The following CCZ1 variants were observed in gnomAD, a reference collection of about 807,000 sequenced individuals.
CCZ1 encodes CCZ1 vacuolar protein trafficking and biogenesis associated.
In CCZ1, 19 loss-of-function variants were observed where a neutral mutation model predicts 57.8. The observed-to-expected ratio is 0.33, with a 90% CI of 0.23 to 0.48. CCZ1 has a LOEUF of 0.48. CCZ1 is among the 20% of genes least tolerant of loss of function. The probability of loss-of-function intolerance (pLI) is 0.99; values close to 1 mark genes in which losing one functional copy is unlikely to be tolerated. For synonymous variants in CCZ1, 81 were observed against 167.0 expected, an observed-to-expected ratio of 0.49 and a Z score of 3.97; for missense variants, 200 against 492.0, an observed-to-expected ratio of 0.41 and a Z score of 5.61.
chr7:5,900,430 C>G, intron 2 of CCZ1, 43 bp from the exon 3 acceptor site: 1 of 1,578,754 alleles, frequency 6.3e-7, no homozygotes, highest in Non-Finnish European at 8.6e-7. Context: ...CTTAAAACTG[C>G]TGCTGGAGAA....
intron 7 of CCZ1, among the ~76,000 whole-genome samples, chr7:5,909,702 AAAAAAAG>A (rs1781922283): frequency 6.9e-6 from 1 of 145,958 alleles, no homozygotes; most frequent in Non-Finnish European, 1.5e-5. Flanking sequence ...TGTCTCAAAA[AAAAAAAG>A]AAAAAAAAAT....
At chr7:5,899,968 C>T (rs1168472778) in intron 1 of CCZ1, among the ~76,000 whole-genome samples, 9 of 142,976 alleles carry the variant, frequency 6.3e-5, no homozygotes, top group African/African-American at 2.2e-4. Flanking sequence ...GACTTACTGA[C>T]TATCGAAATT....
At chr7:5,899,383 G>GT (rs1781631584) in intron 1 of CCZ1, among the ~76,000 whole-genome samples, 5 of 94,632 alleles carry the variant, frequency 5.3e-5, no homozygotes, top group African/African-American at 1.1e-4. Context: ...GTGTGTGTGT[G>GT]GTTTTTCTGA....
rs1421109278 is a variant in CCZ1, at chr7:5,908,221, TGGGGA to T, written c.699-1811_699-1807del. Among the ~76,000 whole-genome samples, 2 of 142,326 alleles carry T rather than the reference TGGGGA, an allele frequency of 1.4e-5. 1 individual carries two copies. The highest frequency in any genetic ancestry group is 5.3e-5 in the African/African-American group (2 of 37,490). 93.4% of individuals were successfully genotyped at this position (142,326 alleles called of 152,430 possible). A position where few individuals can be genotyped will look rare whatever the true frequency, so the allele number is the denominator to read the frequency against. On this transcript the variant is annotated intron_variant, in intron 7 of 14. Coordinates refer to ENST00000325974, the MANE Select transcript of CCZ1 (RefSeq NM_015622.6). ...TGCACATACCTATAGTCCCAGCTAC[TGGGGA>T]GGAGGAGGCAGAAGGATCGCTTGAG...
intron 7 of CCZ1, among the ~76,000 whole-genome samples, chr7:5,905,924 T>C (rs1347797509): frequency 7.5e-6 from 1 of 133,818 alleles, no homozygotes; most frequent in Admixed American, 7.9e-5. Flanking sequence ...TTTTCTTTCT[T>C]ATAGAGACGG....
chr7:5,910,121 G>C lies in CCZ1; in HGVS notation c.780+5G>C, dbSNP rs748720356. ...CCAAGGCACATCGAACCTGAGGTAT[G>C]ATGGGTACCATAGCTGCGCACAATT... On this transcript the variant is annotated splice_donor_5th_base_variant and intron_variant, in intron 8 of 14. Transcript: ENST00000325974. 6.3e-6 allele frequency: 10 copies of C among 1,585,698 alleles called. No individual in the cohort carries two copies. Among genetic ancestry groups the C allele is most frequent in the South Asian group, 4.5e-5 (4 of 89,522 alleles).
intron 8 of CCZ1, among the ~76,000 whole-genome samples, chr7:5,911,035 C>CA (rs1456847677): frequency 1.3e-5 from 2 of 148,702 alleles, no homozygotes; most frequent in Non-Finnish European, 3.0e-5. Flanking sequence ...TGCTCCTGGC[C>CA]AAAAAATTGG....
In CCZ1 at chr7:5,924,424, G is replaced by A. The variant is rs1203665140; in HGVS notation, c.1393+462G>A. Among the ~76,000 whole-genome samples the A allele has an allele frequency of 8.0e-5, 7 of 87,100 alleles. 1 individual carries two copies. Among genetic ancestry groups the A allele is most frequent in the Non-Finnish European group, 1.8e-4 (7 of 39,520 alleles). 57.1% of individuals were successfully genotyped at this position (87,100 alleles called of 152,430 possible). A position where few individuals can be genotyped will look rare whatever the true frequency, so the allele number is the denominator to read the frequency against. On this transcript the variant is annotated intron_variant, in intron 14 of 14. Transcript: ENST00000325974. Reference sequence around the variant, plus strand: ...CCAGCTAATTTCTTTTTTTTTTTTTGAAACAGAGTCTTGCTCTGTCGCACA... The same window carrying A: ...CCAGCTAATTTCTTTTTTTTTTTTTAAAACAGAGTCTTGCTCTGTCGCACA...
intron 8 of CCZ1, chr7:5,910,378 G>C: frequency 2.8e-6 from 1 of 360,608 alleles, no homozygotes; most frequent in Non-Finnish European, 4.8e-6. Context: ...TTGTTTGTTT[G>C]GTTTTTGAGA....
At position 5,910,696 on chromosome 7, in the gene CCZ1, A is replaced by G. The variant is rs1781950308; in HGVS notation, c.780+580A>G. Among the ~76,000 whole-genome samples the G allele has an allele frequency of 2.9e-4, 8 of 27,198 alleles. No individual in the cohort carries two copies. In the South Asian group the frequency reaches 0.017, roughly 59 times the overall value. The allele number at this position is 27,198 out of a possible 152,430, so 17.8% of individuals were successfully genotyped here. On this transcript the variant is annotated intron_variant, in intron 8 of 14. Transcript: ENST00000325974. ...TTGGATTTTACTTTACTTTTAATTT[A>G]TGTATTTTATTTTATTTATTTATTT...
At position 5,913,499 on chromosome 7, in the gene CCZ1, T is replaced by C. The variant is rs572906932; in HGVS notation, c.954+545T>C. On this transcript the variant is annotated intron_variant, in intron 10 of 14. Coordinates refer to ENST00000325974, the MANE Select transcript of CCZ1 (RefSeq NM_015622.6). The stretch of plus-strand genomic sequence containing the variant: ...GAGGCTGTGGAGAAGTTTTCATTTA[T>C]AAAGGCTCAGAAATGATGCCGTGGG... Among the ~76,000 whole-genome samples, 3 of 151,608 alleles carry C rather than the reference T, an allele frequency of 2.0e-5. No individual in the cohort carries two copies. The South Asian group carries it at 6.3e-4, about 32-fold the overall frequency.
intron 7 of CCZ1, 25 bp downstream of exon 7, chr7:5,905,294 T>G: frequency 7.6e-7 from 1 of 1,319,134 alleles, no homozygotes; most frequent in Non-Finnish European, 1.0e-6. Context: ...AGGCATGGTA[T>G]TAAAAGAAGA....
At position 5,913,591 on chromosome 7, in the gene CCZ1, C is replaced by CT. The variant is rs1414841534; in HGVS notation, c.954+639dup. Among the ~76,000 whole-genome samples, 6 of 143,756 alleles carry CT rather than the reference C, an allele frequency of 4.2e-5. No individual in the cohort carries two copies. In the Admixed American group the frequency reaches 4.3e-4, roughly 10 times the overall value. 94.3% of individuals were successfully genotyped at this position (143,756 alleles called of 152,430 possible). A position where few individuals can be genotyped will look rare whatever the true frequency, so the allele number is the denominator to read the frequency against. On this transcript the variant is annotated intron_variant, in intron 10 of 14. Coordinates refer to ENST00000325974, the MANE Select transcript of CCZ1 (RefSeq NM_015622.6). ...GTCCCTCTCTGGAAGGTAGACGGGA[C>CT]TTGTAAACCATGCCTGATAGAGGGC...
intron 12 of CCZ1, 36 bp downstream of exon 12, chr7:5,920,002 G>GT: frequency 6.4e-7 from 1 of 1,557,262 alleles, no homozygotes; most frequent in Admixed American, 1.7e-5. Flanking sequence ...TTCAGGCATT[G>GT]AACGGCTTTT....
At chr7:5,915,586 T>G (rs1779132608) in intron 10 of CCZ1, among the ~76,000 whole-genome samples, 1 of 151,428 alleles carries the variant, frequency 6.6e-6, no homozygotes, top group African/African-American at 2.4e-5. Context: ...CTCGTACACT[T>G]AAAATGTACA....
In CCZ1 at chr7:5,922,910, C is replaced by T. The variant is rs1317587232; in HGVS notation, c.1107-477C>T. Among the ~76,000 whole-genome samples, 8 of 150,624 alleles carry T rather than the reference C, an allele frequency of 5.3e-5. No homozygotes were observed. The South Asian group carries it at 8.3e-4, about 16-fold the overall frequency. Reference sequence around the variant, plus strand: ...CCAATAATAAGTATCTCAGATGTCACGGGCTGTATGTAGATACGTGTTAAA... The same window carrying T: ...CCAATAATAAGTATCTCAGATGTCATGGGCTGTATGTAGATACGTGTTAAA... On this transcript the variant is annotated intron_variant, in intron 12 of 14. Transcript: ENST00000325974.
intron 10 of CCZ1, among the ~76,000 whole-genome samples, chr7:5,916,753 C>G (rs898461018): frequency 1.2e-4 from 18 of 145,410 alleles, no homozygotes; most frequent in African/African-American, 4.9e-4. Context: ...GTCTCCAGCC[C>G]TCCAGAGGTG....
At chr7:5,922,874 C>A (rs1376160398) in intron 12 of CCZ1, among the ~76,000 whole-genome samples, 1 of 149,986 alleles carries the variant, frequency 6.7e-6, no homozygotes, top group South Asian at 2.1e-4. Context: ...CAGACTTTTA[C>A]GGTAAAGGAC....
In CCZ1 at chr7:5,901,486, A is replaced by G. The variant is rs1460829731; in HGVS notation, c.391-171A>G. 5.3e-6 allele frequency: 3 copies of G among 564,392 alleles called. No individual in the cohort carries two copies. The African/African-American group carries it at 8.4e-5, about 16-fold the overall frequency. 35.0% of individuals were successfully genotyped at this position (564,392 alleles called of 1,614,324 possible). On this transcript the variant is annotated intron_variant, in intron 4 of 14. Coordinates refer to ENST00000325974, the MANE Select transcript of CCZ1 (RefSeq NM_015622.6). ...GACAACAGAGCGAGACTCCATCTCA[A>G]AAAAAAAAAAAAAAGAACGCAAACA...
Sources: allele counts gnomAD v4.1 joint callset (sites outside exome capture counted in the v4.1 genomes callset), GRCh38; gene constraint gnomAD v4.1.1; transcripts MANE v1.5; gene names NCBI Gene and HGNC (gene_info 2026-07-23, HGNC 2026-07-21).